Variants in MTA3 observed in about 807,000 individuals in gnomAD.
MTA3 encodes metastasis-associated protein MTA3.
A neutral mutation model predicts 83.5 loss-of-function variants in MTA3; 34 were observed. The observed-to-expected ratio is 0.41, with a 90% CI of 0.31 to 0.54. MTA3 has a LOEUF of 0.54. MTA3 is among the 20% of genes least tolerant of loss of function. The probability of loss-of-function intolerance (pLI) is 0.33; values close to 1 mark genes in which losing one functional copy is unlikely to be tolerated. For synonymous variants in MTA3, 303 were observed against 252.7 expected, an observed-to-expected ratio of 1.20 and a Z score of -1.89; for missense variants, 761 against 726.4, an observed-to-expected ratio of 1.05 and a Z score of -0.55.
rs1689504010 is a variant in MTA3 at position 42,659,831 on chromosome 2, G to A, written c.671G>A (p.Ser224Asn). Residue 224 changes from serine (S) to asparagine (N), a missense_variant, in exon 8 of 17, where the codon AGT becomes AAT. Ser to Asn is a conservative substitution (Grantham distance 46). Coordinates refer to ENST00000405094, the MANE Select transcript of MTA3 (RefSeq NM_001330442.2). ...GTGAGGCAGCCTAGTTTGCATATGA[G>A]TGCTGCTGCAGCTTCCCGAGACATC... ...SSVRQPSLHMSAAAASRDITL... is the reference protein window; with the variant it reads ...SSVRQPSLHMNAAAASRDITL... 1 of 1,606,748 alleles carries A rather than the reference G, an allele frequency of 6.2e-7. No homozygotes were observed. The highest frequency in any genetic ancestry group is 1.3e-5 in the African/African-American group (1 of 74,574).
chr2:42,725,474 A>T lies in MTA3; in HGVS notation c.1759+2439A>T, dbSNP rs181434737. The stretch of plus-strand genomic sequence containing the variant: ...AGTTATTTCAACAGCTAATTTCATA[A>T]AAGAAATCAGTATGATGGATATTGG... On this transcript the variant is annotated intron_variant, in intron 16 of 16. Coordinates refer to ENST00000405094, the MANE Select transcript of MTA3 (RefSeq NM_001330442.2). 5.9e-5 allele frequency among the ~76,000 whole-genome samples: 9 copies of T among 152,366 alleles called. No homozygotes were observed. The East Asian group carries it at 1.7e-3, about 29-fold the overall frequency.
chr2:42,689,414 A>G (rs1692680258), intron 9 of MTA3, among the ~76,000 whole-genome samples: 1 of 152,188 alleles, frequency 6.6e-6, no homozygotes, highest in Non-Finnish European at 1.5e-5. Context: ...AATGATGGCT[A>G]CTTAGAATGA....
chr2:42,665,643 G>C (rs1287837226), intron 8 of MTA3, among the ~76,000 whole-genome samples: 2 of 152,264 alleles, frequency 1.3e-5, no homozygotes, highest in East Asian at 3.9e-4. Context: ...CGAAGCCTTA[G>C]ACCTGCCAAA....
Position 42,697,833 on chromosome 2 carries a change from TAGTA to T in MTA3, c.1025+5_1025+8del. On this transcript the variant is annotated splice_donor_variant and splice_donor_region_variant and coding_sequence_variant and intron_variant, in exon 11 of 17. Coordinates refer to ENST00000405094, the MANE Select transcript of MTA3 (RefSeq NM_001330442.2). LOFTEE classifies it high-confidence loss of function. ...ACTGAAACAAGTATATATCCCAACC[TAGTA>T]AGTAATTGAAATCTTTTAAAATATT... 1 of 1,518,752 alleles carries T rather than the reference TAGTA, an allele frequency of 6.6e-7. No individual in the cohort carries two copies. Among genetic ancestry groups the T allele is most frequent in the Non-Finnish European group, 8.9e-7 (1 of 1,129,400 alleles). The allele number at this position is 1,518,752 out of a possible 1,614,324, so 94.1% of individuals were successfully genotyped here. A position where few individuals can be genotyped will look rare whatever the true frequency, so the allele number is the denominator to read the frequency against.
chr2:42,674,852 G>A (rs921899847), intron 8 of MTA3, among the ~76,000 whole-genome samples: 1 of 151,390 alleles, frequency 6.6e-6, no homozygotes, highest in South Asian at 2.1e-4. Flanking sequence ...TGCCCGCCTC[G>A]GCCTCCCAAA....
intron 4 of MTA3, among the ~76,000 whole-genome samples, chr2:42,616,421 C>CT (rs111768597): frequency 0.73 from 101,285 of 139,078 alleles, 36,987 homozygotes; most frequent in South Asian, 0.84. Context: ...GATCTCTTGT[C>CT]TTTTTTTTTT....
At chr2:42,640,968 G>A (rs919718873) in intron 5 of MTA3, among the ~76,000 whole-genome samples, 2 of 152,110 alleles carry the variant, frequency 1.3e-5, no homozygotes, top group African/African-American at 2.4e-5. Context: ...ACGCAGTGAC[G>A]TGATCTTGAC....
chr2:42,750,113 T>C (rs1669761675), intron 16 of MTA3, among the ~76,000 whole-genome samples: 1 of 152,144 alleles, frequency 6.6e-6, no homozygotes, highest in Non-Finnish European at 1.5e-5. Flanking sequence ...TGCCTCAGCC[T>C]CCTGAGTAGC....
intron 13 of MTA3, 79 bp from the exon 14 acceptor site, chr2:42,708,790 ACTTTT>A: frequency 2.1e-6 from 3 of 1,403,974 alleles, no homozygotes; most frequent in Non-Finnish European, 3.0e-6. Context: ...TAAAAGTTGC[ACTTTT>A]CTTTTGAGCA....
At chr2:42,574,452 T>C (rs563814806) in intron 2 of MTA3, among the ~76,000 whole-genome samples, 1 of 151,010 alleles carries the variant, frequency 6.6e-6, no homozygotes, top group South Asian at 2.1e-4. Context: ...ACTGTGCTAC[T>C]GCATTTGCCT....
At chr2:42,556,826 G>A (rs1337413308) in intron 2 of MTA3, among the ~76,000 whole-genome samples, 2 of 152,152 alleles carry the variant, frequency 1.3e-5, no homozygotes, top group Non-Finnish European at 2.9e-5. Flanking sequence ...CTTCAGCATT[G>A]CTCTGACCTC....
chr2:42,709,343 A>T, intron 14 of MTA3: 1 of 1,295,116 alleles, frequency 7.7e-7, no homozygotes, highest in Non-Finnish European at 9.9e-7. Context: ...TTAGCAAAAG[A>T]TTGGTGGGAG....
chr2:42,657,238 A>G (rs987223515), intron 7 of MTA3, among the ~76,000 whole-genome samples: 5 of 152,324 alleles, frequency 3.3e-5, no homozygotes, highest in East Asian at 1.9e-4. Flanking sequence ...TTATTTCACA[A>G]TGCAGAGGAA....
At chr2:42,594,263 TTTA>T (rs202003235) in intron 3 of MTA3, among the ~76,000 whole-genome samples, 47,944 of 115,772 alleles carry the variant, frequency 0.41, 8,466 homozygotes, top group Middle Eastern at 0.58. Flanking sequence ...TTTTTTTTTT[TTTA>T]AAAGACAGTC....
chr2:42,559,693 A>G (rs1335390427), intron 2 of MTA3, among the ~76,000 whole-genome samples: 27 of 151,060 alleles, frequency 1.8e-4, no homozygotes, highest in Admixed American at 1.7e-3. Context: ...AGCCTGACCA[A>G]CATGGAGAAA....
At chr2:42,650,340 T>G (rs76801673) in intron 6 of MTA3, among the ~76,000 whole-genome samples, 12,505 of 152,318 alleles carry the variant, frequency 0.082, 634 homozygotes, top group South Asian at 0.14. Flanking sequence ...TGTTAGCTAA[T>G]ATTTACATAA....
chr2:42,604,864 G>A (rs1319392565), intron 3 of MTA3, among the ~76,000 whole-genome samples: 2 of 148,938 alleles, frequency 1.3e-5, no homozygotes, highest in Admixed American at 1.3e-4. Context: ...ACCCTGAGTG[G>A]ACACAGCACA....
At chr2:42,516,560 A>C (rs980446793) in intron 2 of MTA3, among the ~76,000 whole-genome samples, 7 of 152,184 alleles carry the variant, frequency 4.6e-5, no homozygotes, top group Non-Finnish European at 1.0e-4. Context: ...TATTGTACAA[A>C]ATGGCAATAT....
intron 4 of MTA3, among the ~76,000 whole-genome samples, chr2:42,621,625 G>A (rs1423778308): frequency 7.2e-5 from 11 of 152,150 alleles, no homozygotes; most frequent in East Asian, 3.9e-4. Flanking sequence ...ATCATGGCCC[G>A]TTCTCAATGA....
Sources: gnomAD v4.1 joint callset for allele counts (sites outside exome capture counted in the v4.1 genomes callset) on GRCh38, gnomAD v4.1.1 for gene constraint, MANE v1.5 for transcripts, NCBI Gene and HGNC (gene_info 2026-07-23, HGNC 2026-07-21) for gene names.